The following TM9SF4 variants were observed in gnomAD, a reference collection of about 807,000 sequenced individuals.
TM9SF4 encodes the protein dinucleotide oxidase disulfide thiol exchanger 3 superfamily member 4.
A neutral mutation model predicts 90.4 loss-of-function variants in TM9SF4; 26 were observed. The observed-to-expected ratio is 0.29, with a 90% confidence interval of 0.21 to 0.40. The LOEUF (loss-of-function observed/expected upper bound fraction) is 0.40. TM9SF4 is among the 10% of genes least tolerant of loss of function. The pLI, the probability that TM9SF4 is intolerant of heterozygous loss-of-function variation, is 1.00. For synonymous variants in TM9SF4, 293 were observed against 315.4 expected (o/e 0.93, Z 0.75); for missense variants, 549 against 834.8 (o/e 0.66, Z 4.22).
chr20:32,142,452 C>A (rs1174152747), intron 5 of TM9SF4, among the ~76,000 whole-genome samples: 1 of 152,192 alleles, frequency 6.6e-6, no homozygotes, highest in African/African-American at 2.4e-5. Flanking sequence ...TTTTGAGGTG[C>A]AGCCCCTGTC....
intron 2 of TM9SF4, among the ~76,000 whole-genome samples, chr20:32,134,349 A>T (rs2046564855): frequency 6.6e-6 from 1 of 152,184 alleles, no homozygotes; most frequent in South Asian, 2.1e-4. Flanking sequence ...CTGAGTGAGA[A>T]TGCTAAGAAA....
intron 1 of TM9SF4, among the ~76,000 whole-genome samples, chr20:32,128,826 GTA>G (rs1491063783): frequency 7.3e-5 from 10 of 137,706 alleles, no homozygotes; most frequent in South Asian, 2.4e-4. Flanking sequence ...GTGTGTGTGT[GTA>G]TACATTTATA....
chr20:32,139,794 A>G (rs6121356), intron 3 of TM9SF4, among the ~76,000 whole-genome samples: 18,166 of 152,242 alleles, frequency 0.12, 1,753 homozygotes, highest in African/African-American at 0.26. Context: ...GTAGCCACAC[A>G]GGCCTTTCAG....
intron 3 of TM9SF4, among the ~76,000 whole-genome samples, chr20:32,138,796 T>C (rs1308580878): frequency 1.3e-5 from 2 of 152,244 alleles, no homozygotes; most frequent in African/African-American, 2.4e-5. Context: ...TCTGTAGCTC[T>C]TTCTCTCCTC....
In TM9SF4 at chr20:32,136,125, C is replaced by T. The variant is rs371140283; in HGVS notation, c.181C>T (p.Leu61=). The T allele has an allele frequency of 2.3e-5, 37 of 1,614,098 alleles. No individual in the cohort carries two copies. Among genetic ancestry groups the T allele is most frequent in the Non-Finnish European group, 2.7e-5 (32 of 1,180,030 alleles). The stretch of plus-strand genomic sequence containing the variant: ...CCAGCTACCTTATGAATACTATTCA[C>T]TGCCCTTCTGCCAGCCCAGCAAGAT... ...RTQLPYEYYS[L]PFCQPSKITY... is the part of the protein sequence containing the mutation. The change falls in exon 3 of 18, where the codon CTG becomes TTG. Residue 61 remains leucine (L), a synonymous_variant. Transcript: ENST00000398022.
At chr20:32,147,725 C>T (rs574247441) in intron 9 of TM9SF4, among the ~76,000 whole-genome samples, 1 of 152,024 alleles carries the variant, frequency 6.6e-6, no homozygotes, top group South Asian at 2.1e-4. Context: ...TGGTGGCATG[C>T]ACCTGCAATC....
chr20:32,143,000 C>G lies in TM9SF4; in HGVS notation c.547C>G (p.Leu183Val), dbSNP rs1234743967. 5 of 1,613,568 alleles carry G rather than the reference C, an allele frequency of 3.1e-6. No individual in the cohort carries two copies. The East Asian group carries it at 1.1e-4, about 36-fold the overall frequency. ...GTTTCAGATCTACCTGCACAACCAC[C>G]TCTCATTCATCCTTTACTATCATCG... ...DVNKIYLHNH[L>V]SFILYYHRED... Residue 183 changes from leucine (L) to valine (V), a missense_variant, in exon 6 of 18, where the codon CTC becomes GTC. Physicochemically the swap from Leu to Val is conservative, Grantham distance 32. Around this residue, in one of 2 missense-constraint regions of TM9SF4, gnomAD observed 495 missense variants for 711.7 expected, o/e 0.70. Coordinates refer to ENST00000398022, the MANE Select transcript of TM9SF4 (RefSeq NM_014742.4).
intron 3 of TM9SF4, among the ~76,000 whole-genome samples, chr20:32,137,844 C>T (rs1398745537): frequency 2.0e-5 from 3 of 152,172 alleles, no homozygotes; most frequent in African/African-American, 2.4e-5. Flanking sequence ...CTCACAATAG[C>T]ATGTAGATTC....
At chr20:32,141,436 C>G (rs1298590234) in intron 3 of TM9SF4, 61 bp from the exon 4 acceptor site, 3 of 1,589,578 alleles carry the variant, frequency 1.9e-6, no homozygotes, top group Non-Finnish European at 1.7e-6. Flanking sequence ...CTCTGTGACT[C>G]TGCTGACCTC....
intron 12 of TM9SF4, among the ~76,000 whole-genome samples, chr20:32,153,894 G>A (rs538740673): frequency 4.6e-5 from 7 of 152,328 alleles, no homozygotes; most frequent in South Asian, 4.1e-4. Flanking sequence ...GACTGCCTGC[G>A]TTTATACCTC....
chr20:32,154,056 A>C (rs1569100369), intron 12 of TM9SF4, among the ~76,000 whole-genome samples: 2 of 152,206 alleles, frequency 1.3e-5, no homozygotes, highest in Non-Finnish European at 2.9e-5. Context: ...ATAGGAACCC[A>C]GCATCTGCCA....
At position 32,123,088 on chromosome 20, in the gene TM9SF4, A is replaced by G. The variant is rs1427393716; in HGVS notation, c.16-9925A>G. Among the ~76,000 whole-genome samples the G allele has an allele frequency of 2.1e-5, 3 of 146,296 alleles. No individual in the cohort carries two copies. The East Asian group carries it at 6.3e-4, about 31-fold the overall frequency. ...GCAGGCTGAGGCAGGAGAATCAGGC[A>G]GGGAGGTTGCAGTGAGCCGAGATGG... On this transcript the variant is annotated intron_variant, in intron 1 of 17. Coordinates refer to ENST00000398022, the MANE Select transcript of TM9SF4 (RefSeq NM_014742.4).
chr20:32,122,346 G>A (rs1479345872), intron 1 of TM9SF4, among the ~76,000 whole-genome samples: 4 of 150,572 alleles, frequency 2.7e-5, no homozygotes, highest in Admixed American at 1.3e-4. Flanking sequence ...GCTGCCGGGC[G>A]GAGATGCTCC....
intron 2 of TM9SF4, among the ~76,000 whole-genome samples, chr20:32,134,912 A>T (rs1168498816): frequency 1.3e-5 from 2 of 152,102 alleles, no homozygotes; most frequent in African/African-American, 2.4e-5. Context: ...ACCTCAAGTG[A>T]TCTGCCCGCC....
At position 32,159,889 on chromosome 20, in the gene TM9SF4, T is replaced by A. The variant is rs2046989124; in HGVS notation, c.1570-103T>A. Reference sequence around the variant, plus strand: ...ATGCCAGGCCCACGGGCCCTGATGGTGTCATGATGATGTGTCCACTCCTGC... The same window carrying A: ...ATGCCAGGCCCACGGGCCCTGATGGAGTCATGATGATGTGTCCACTCCTGC... On this transcript the variant is annotated intron_variant, in intron 15 of 17. Transcript: ENST00000398022. 2.6e-6 allele frequency: 4 copies of A among 1,512,012 alleles called. No individual in the cohort carries two copies. In the South Asian group the frequency reaches 4.9e-5, roughly 18 times the overall value. The allele number at this position is 1,512,012 out of a possible 1,614,324, so 93.7% of individuals were successfully genotyped here.
rs191497141 is a variant in TM9SF4 at position 32,124,261 on chromosome 20, T to G, written c.16-8752T>G. The stretch of plus-strand genomic sequence containing the variant: ...CGGACAAATACCAAATTGACTACAA[T>G]GGTTTGTTAAAAGAAAGGCTTTGAA... On this transcript the variant is annotated intron_variant, in intron 1 of 17. Transcript: ENST00000398022. 7.9e-4 allele frequency among the ~76,000 whole-genome samples: 120 copies of G among 152,298 alleles called. 1 individual carries two copies. The highest frequency in any genetic ancestry group is 2.7e-3 in the African/African-American group (111 of 41,556).
intron 1 of TM9SF4, among the ~76,000 whole-genome samples, chr20:32,132,611 T>C (rs1212411535): frequency 1.3e-5 from 2 of 151,938 alleles, no homozygotes; most frequent in Non-Finnish European, 2.9e-5. Flanking sequence ...CTTGGTAACA[T>C]AGGAGCTTTT....
At chr20:32,147,229 C>T (rs973898751) in intron 9 of TM9SF4, among the ~76,000 whole-genome samples, 24 of 152,156 alleles carry the variant, frequency 1.6e-4, no homozygotes, top group African/African-American at 5.8e-4. Context: ...TCATCTGCCT[C>T]GGCCTCCGAA....
intron 3 of TM9SF4, 47 bp downstream of exon 3, chr20:32,136,220 C>T: frequency 6.4e-7 from 1 of 1,558,514 alleles, no homozygotes; most frequent in Non-Finnish European, 8.8e-7. Context: ...CAGGGGGAAC[C>T]CAGCATGATT....
Sources: gnomAD v4.1 joint callset for allele counts (sites outside exome capture counted in the v4.1 genomes callset) on GRCh38, gnomAD v4.1.1 for gene constraint, gnomAD v4.1.1 regional missense constraint, MANE v1.5 for transcripts, NCBI Gene and HGNC (gene_info 2026-07-23, HGNC 2026-07-21) for gene names.